The following CADM1 variants were observed in gnomAD, a reference collection of about 807,000 sequenced individuals.
CADM1 encodes cell adhesion molecule 1, also known as TSLC-1.
CADM1 carries 15 observed loss-of-function variants against 53.1 expected under a neutral mutation model. That is an observed-to-expected ratio of 0.28 (90% CI 0.19 to 0.44). The LOEUF is 0.44. Ranked by LOEUF, CADM1 falls within the 20% of genes least tolerant of loss-of-function variation. The pLI, the probability that CADM1 is intolerant of heterozygous loss-of-function variation, is 1.00. For missense variants in CADM1, 434 were observed against 611.3 expected (o/e 0.71, Z 3.06); for synonymous variants, 281 against 243.0 (o/e 1.16, Z -1.45).
At chr11:115,236,067 C>T (rs1399999206) in intron 3 of CADM1, among the ~76,000 whole-genome samples, 3 of 152,080 alleles carry the variant, frequency 2.0e-5, no homozygotes, top group East Asian at 1.9e-4. Context: ...AACAAGTACC[C>T]GCCTCCATAT....
At chr11:115,311,965 A>G (rs923540508) in intron 1 of CADM1, among the ~76,000 whole-genome samples, 3 of 152,168 alleles carry the variant, frequency 2.0e-5, no homozygotes, top group African/African-American at 7.2e-5. Context: ...AGATTTTCCT[A>G]CTCAATGTAT....
chr11:115,314,582 A>G (rs899664416), intron 1 of CADM1, among the ~76,000 whole-genome samples: 1 of 152,148 alleles, frequency 6.6e-6, no homozygotes, highest in Non-Finnish European at 1.5e-5. Flanking sequence ...CCTCGTTTGT[A>G]TATGAAAGAT....
chr11:115,432,008 G>A (rs550621605), intron 1 of CADM1, among the ~76,000 whole-genome samples: 8 of 151,974 alleles, frequency 5.3e-5, no homozygotes, highest in Non-Finnish European at 5.9e-5. Context: ...GCAGTGGCGT[G>A]ATCTCGGCTC....
intron 1 of CADM1, among the ~76,000 whole-genome samples, chr11:115,415,186 T>C (rs1485980877): frequency 2.0e-5 from 3 of 152,176 alleles, no homozygotes; most frequent in Non-Finnish European, 4.4e-5. Flanking sequence ...AGTGAACTAT[T>C]CCCTACCTCA....
intron 1 of CADM1, among the ~76,000 whole-genome samples, chr11:115,461,160 T>C (rs988718103): frequency 3.9e-5 from 6 of 152,048 alleles, no homozygotes; most frequent in Admixed American, 3.3e-4. Flanking sequence ...TAAGTATATA[T>C]ATAATAAAGC....
chr11:115,199,244 A>C (rs919430025), intron 8 of CADM1, among the ~76,000 whole-genome samples: 1 of 152,184 alleles, frequency 6.6e-6, no homozygotes, highest in African/African-American at 2.4e-5. Context: ...CATTCCAAAA[A>C]TTTAAGTATC....
At chr11:115,411,490 T>C (rs552617184) in intron 1 of CADM1, among the ~76,000 whole-genome samples, 13 of 152,276 alleles carry the variant, frequency 8.5e-5, no homozygotes, top group African/African-American at 2.9e-4. Context: ...GGAAATATGT[T>C]AAGAATTAGG....
At chr11:115,423,547 G>A (rs183767658) in intron 1 of CADM1, among the ~76,000 whole-genome samples, 28 of 152,162 alleles carry the variant, frequency 1.8e-4, no homozygotes, top group Admixed American at 1.4e-3. Context: ...AAAATACACT[G>A]TTATCTATCC....
rs1309403668 is a variant in CADM1 at position 115,170,805 on chromosome 11, G to A, written c.*5669C>T. ...AATGATATTCCCTGATACTATTCCA[G>A]TGGGTCCTTGAGAATGATAGGGCCA... is the stretch of plus-strand genomic sequence containing the variant. On this transcript the variant is annotated 3_prime_UTR_variant, in exon 12 of 12. Coordinates refer to ENST00000331581, the MANE Select transcript of CADM1 (RefSeq NM_001301043.2). 1 of 152,186 alleles carries A rather than the reference G, an allele frequency of 6.6e-6. No homozygotes were observed. The highest frequency in any genetic ancestry group is 1.9e-4 in the East Asian group (1 of 5,198). 9.4% of individuals were successfully genotyped at this position (152,186 alleles called of 1,614,324 possible).
rs78241512 is a variant in CADM1 at position 115,327,583 on chromosome 11, G to T, written c.125-87163C>A. Among the ~76,000 whole-genome samples the T allele has an allele frequency of 6.1e-3, 922 of 151,906 alleles. 7 individuals are homozygous for T. The highest frequency in any genetic ancestry group is 0.02 in the African/African-American group (840 of 41,424). On this transcript the variant is annotated intron_variant, in intron 1 of 11. Coordinates refer to ENST00000331581, the MANE Select transcript of CADM1 (RefSeq NM_001301043.2). ...CACCTATTCAGCATTTGGAAAACCA[G>T]CTGGGTTATTCTGTCAAACCTCTAC...
At chr11:115,350,058 G>A (rs1308031993) in intron 1 of CADM1, among the ~76,000 whole-genome samples, 2 of 152,106 alleles carry the variant, frequency 1.3e-5, no homozygotes, top group East Asian at 3.9e-4. Context: ...TGCAACCTCC[G>A]CCTCTTGGGT....
intron 1 of CADM1, among the ~76,000 whole-genome samples, chr11:115,387,508 A>G (rs1946728524): frequency 1.3e-5 from 2 of 152,300 alleles, no homozygotes; most frequent in South Asian, 2.1e-4. Context: ...AAATTTTACT[A>G]TCTACCCTAT....
intron 1 of CADM1, among the ~76,000 whole-genome samples, chr11:115,371,922 A>G (rs1459299471): frequency 6.6e-6 from 1 of 152,200 alleles, no homozygotes; most frequent in African/African-American, 2.4e-5. Flanking sequence ...CATCAACACT[A>G]AAACCTAGTG....
At chr11:115,461,701 T>C (rs957012956) in intron 1 of CADM1, among the ~76,000 whole-genome samples, 1 of 152,198 alleles carries the variant, frequency 6.6e-6, no homozygotes, top group Non-Finnish European at 1.5e-5. Context: ...GTGATGGCCA[T>C]AGGGGCAGCC....
chr11:115,295,517 TA>T (rs1188378026), intron 1 of CADM1, among the ~76,000 whole-genome samples: 1 of 57,232 alleles, frequency 1.7e-5, no homozygotes, highest in South Asian at 5.1e-4. Context: ...TATATATATA[TA>T]TATATATATA....
intron 1 of CADM1, among the ~76,000 whole-genome samples, chr11:115,295,218 T>A (rs1944018924): frequency 6.6e-6 from 1 of 152,176 alleles, no homozygotes; most frequent in East Asian, 1.9e-4. Context: ...TCCTGGGCAC[T>A]TTCACTTGCA....
chr11:115,290,834 AC>A (rs1161157361), intron 1 of CADM1, among the ~76,000 whole-genome samples: 2 of 152,238 alleles, frequency 1.3e-5, no homozygotes, highest in Admixed American at 1.3e-4. Flanking sequence ...TTTAGAGTTC[AC>A]AAGTGTCATA....
chr11:115,453,420 CA>C (rs1184784067), intron 1 of CADM1, among the ~76,000 whole-genome samples: 1 of 151,772 alleles, frequency 6.6e-6, no homozygotes, highest in Non-Finnish European at 1.5e-5. Context: ...AAAGAAACAG[CA>C]GCACTTATCA....
intron 1 of CADM1, among the ~76,000 whole-genome samples, chr11:115,428,651 C>G (rs1947959511): frequency 1.3e-5 from 2 of 152,140 alleles, no homozygotes; most frequent in South Asian, 4.1e-4. Flanking sequence ...CTCCTCAATT[C>G]TTATTTTCAC....
Sources: gnomAD v4.1 joint callset for allele counts (sites outside exome capture counted in the v4.1 genomes callset) on GRCh38, gnomAD v4.1.1 for gene constraint, MANE v1.5 for transcripts, NCBI Gene and HGNC (gene_info 2026-07-23, HGNC 2026-07-21) for gene names.